Variants in PSMA1 observed in about 807,000 individuals in gnomAD.
PSMA1 encodes proteasome subunit alpha type-1.
In PSMA1, 3 loss-of-function variants were observed where a neutral mutation model predicts 38.4. That is an observed-to-expected ratio of 0.08 (90% CI 0.04 to 0.20). The LOEUF (loss-of-function observed/expected upper bound fraction) is 0.20. Among genes scored for constraint, PSMA1 ranks in the 10% least tolerant of loss-of-function variants. PSMA1 has a pLI of 1.00. For synonymous variants in PSMA1, 101 were observed against 107.1 expected (o/e 0.94, Z 0.35); for missense variants, 227 against 325.3 (o/e 0.70, Z 2.32).
At chr11:14,611,211 C>T (rs934581709) in intron 1 of PSMA1, 1 of 491,170 alleles carries the variant, frequency 2.0e-6, no homozygotes, top group African/African-American at 2.0e-5. Flanking sequence ...CATCAGACAT[C>T]CTGTTCCTCA....
At chr11:14,545,665 T>A (rs1221980391) in intron 2 of PSMA1, among the ~76,000 whole-genome samples, 1 of 152,264 alleles carries the variant, frequency 6.6e-6, no homozygotes, top group Non-Finnish European at 1.5e-5. Context: ...AATTAACACA[T>A]TAAATTATAA....
chr11:14,585,210 C>G (rs974024326), intron 2 of PSMA1, among the ~76,000 whole-genome samples: 20 of 152,242 alleles, frequency 1.3e-4, no homozygotes, highest in Admixed American at 9.2e-4. Context: ...TGTTCCTTTT[C>G]TGCTGACCCA....
intron 2 of PSMA1, among the ~76,000 whole-genome samples, chr11:14,601,845 A>G (rs1483233822): frequency 6.6e-6 from 1 of 152,198 alleles, no homozygotes; most frequent in Non-Finnish European, 1.5e-5. Flanking sequence ...GCTAAATGAG[A>G]ATTCTGTCAA....
Position 14,633,262 on chromosome 11 carries a change from G to A in PSMA1, c.-166+10193C>T, listed in dbSNP as rs1200210036. 1.1e-4 allele frequency among the ~76,000 whole-genome samples: 16 copies of A among 152,210 alleles called. No individual in the cohort carries two copies. In the South Asian group the frequency reaches 3.1e-3, roughly 30 times the overall value. ...TCTGTTCTGTTTTTTCCCCATCTTT[G>A]TGGTTTTTATCTACTTTTGGTCTTT... On this transcript the variant is annotated intron_variant, in intron 1 of 10. Coordinates refer to the PSMA1 transcript ENST00000418988.
intron 2 of PSMA1, among the ~76,000 whole-genome samples, chr11:14,536,402 C>G (rs1851708087): frequency 6.6e-6 from 1 of 151,732 alleles, no homozygotes; most frequent in Admixed American, 6.6e-5. Flanking sequence ...TGGTGAGCGC[C>G]TGTAATCCCA....
In PSMA1 at chr11:14,616,894, G is replaced by A. The variant is rs145061183; in HGVS notation, c.-165-5743C>T. ...ACCACTACATTATATTGCCTCTTGA[G>A]AAATAACACATTTAGTACAGATTAA... On this transcript the variant is annotated intron_variant, in intron 1 of 10. Coordinates refer to the PSMA1 transcript ENST00000418988. Among the ~76,000 whole-genome samples, 673 of 152,254 alleles carry A rather than the reference G, an allele frequency of 4.4e-3. 4 individuals are homozygous for A. Among genetic ancestry groups the A allele is most frequent in the South Asian group, 0.024 (115 of 4,822 alleles).
At chr11:14,631,792 T>C (rs1333228037) in intron 1 of PSMA1, among the ~76,000 whole-genome samples, 1 of 152,028 alleles carries the variant, frequency 6.6e-6, no homozygotes, top group African/African-American at 2.4e-5. Flanking sequence ...TATTAATGTG[T>C]GGGAGTCTAA....
At chr11:14,579,304 C>T (rs936347658) in intron 2 of PSMA1, among the ~76,000 whole-genome samples, 1 of 152,162 alleles carries the variant, frequency 6.6e-6, no homozygotes, top group Non-Finnish European at 1.5e-5. Context: ...CTTCTGATGT[C>T]TCCAGGCATT....
chr11:14,611,313 G>A (rs1269449614), intron 1 of PSMA1, among the ~76,000 whole-genome samples: 1 of 152,136 alleles, frequency 6.6e-6, no homozygotes, highest in African/African-American at 2.4e-5. Flanking sequence ...CACGTGGAGG[G>A]AAATATCAAA....
At chr11:14,585,683 C>G (rs1217460813) in intron 2 of PSMA1, among the ~76,000 whole-genome samples, 2 of 152,176 alleles carry the variant, frequency 1.3e-5, no homozygotes, top group Non-Finnish European at 2.9e-5. Context: ...ATTTGCCCCT[C>G]TTTTATTCGC....
At chr11:14,544,627 A>T (rs561740080) in intron 2 of PSMA1, among the ~76,000 whole-genome samples, 84 of 152,338 alleles carry the variant, frequency 5.5e-4, no homozygotes, top group South Asian at 6.2e-4. Flanking sequence ...CTACAATGAA[A>T]TACCACTTTA....
At chr11:14,583,443 G>A (rs746582198) in intron 2 of PSMA1, among the ~76,000 whole-genome samples, 9 of 152,186 alleles carry the variant, frequency 5.9e-5, no homozygotes, top group African/African-American at 1.4e-4. Context: ...AGATGGTGGC[G>A]TTCAGATAGA....
chr11:14,590,593 G>T (rs1197385470), intron 2 of PSMA1, among the ~76,000 whole-genome samples: 2 of 152,136 alleles, frequency 1.3e-5, no homozygotes, highest in Non-Finnish European at 1.5e-5. Context: ...ATGTAGAAGT[G>T]GGGTTGAAAC....
chr11:14,589,365 A>ATGTG (rs10641474), intron 2 of PSMA1, among the ~76,000 whole-genome samples: 19,117 of 147,524 alleles, frequency 0.13, 1,315 homozygotes, highest in African/African-American at 0.19. Context: ...ATATATATAT[A>ATGTG]TGTGTGTGTG....
chr11:14,595,495 G>C (rs1489628136), intron 2 of PSMA1, among the ~76,000 whole-genome samples: 1 of 152,194 alleles, frequency 6.6e-6, no homozygotes, highest in Non-Finnish European at 1.5e-5. Context: ...GCATTTCTCT[G>C]ATGACCAGTG....
chr11:14,573,864 G>T (rs1852179431), intron 2 of PSMA1, among the ~76,000 whole-genome samples: 1 of 152,160 alleles, frequency 6.6e-6, no homozygotes, highest in South Asian at 2.1e-4. Flanking sequence ...TTATGCATTA[G>T]CAAAGAGCCT....
At chr11:14,545,516 T>C (rs1851816617) in intron 2 of PSMA1, among the ~76,000 whole-genome samples, 2 of 152,184 alleles carry the variant, frequency 1.3e-5, no homozygotes, top group African/African-American at 4.8e-5. Context: ...CCTGTGTCCA[T>C]GTGTTCTCAT....
In PSMA1 at chr11:14,632,598, C is replaced by G. The variant is rs1390909263; in HGVS notation, c.-166+10857G>C. On this transcript the variant is annotated intron_variant, in intron 1 of 10. Transcript: ENST00000418988. ...GACCTTTCTCTTTGGCTGCCCTTAA[C>G]ATTTTTTCCTTCATTTCAGCTTTGG... Among the ~76,000 whole-genome samples the G allele has an allele frequency of 3.3e-5, 5 of 151,600 alleles. No individual in the cohort carries two copies. The East Asian group carries it at 7.8e-4, about 24-fold the overall frequency.
intron 2 of PSMA1, among the ~76,000 whole-genome samples, chr11:14,559,693 A>G (rs1009731871): frequency 6.6e-6 from 1 of 152,246 alleles, no homozygotes; most frequent in Admixed American, 6.5e-5. Flanking sequence ...TTTACAGACA[A>G]AGATGACCCA....
Sources: gnomAD v4.1 joint callset for allele counts (sites outside exome capture counted in the v4.1 genomes callset) on GRCh38, gnomAD v4.1.1 for gene constraint, MANE v1.5 for transcripts, NCBI Gene and HGNC (gene_info 2026-07-23, HGNC 2026-07-21) for gene names.